Variants in GRIK2 observed in about 807,000 individuals in gnomAD.
GRIK2 encodes glutamate receptor ionotropic, kainate 2.
Under a neutral mutation model 100.3 loss-of-function variants are expected in GRIK2, and 32 were observed. That is an observed-to-expected ratio of 0.32 (90% CI 0.24 to 0.43). GRIK2 has a LOEUF of 0.43. Among genes scored for constraint, GRIK2 ranks in the 20% least tolerant of loss-of-function variants. The pLI is 1.00. For synonymous variants in GRIK2, 417 were observed against 389.4 expected (o/e 1.07, Z -0.83); for missense variants, 843 against 1,114.9 (o/e 0.76, Z 3.47).
intron 12 of GRIK2, among the ~76,000 whole-genome samples, chr6:101,905,380 T>C (rs1195994291): frequency 6.6e-6 from 1 of 151,670 alleles, no homozygotes; most frequent in Non-Finnish European, 1.5e-5. Flanking sequence ...TGGGAAGTGT[T>C]ATAGCTTAGT....
chr6:101,819,472 G>A (rs1321000266), intron 10 of GRIK2, among the ~76,000 whole-genome samples: 1 of 152,166 alleles, frequency 6.6e-6, no homozygotes, highest in Admixed American at 6.6e-5. Context: ...TAATCATGAA[G>A]TGACAGTGAT....
At chr6:101,499,228 T>C (rs1343664876) in intron 2 of GRIK2, among the ~76,000 whole-genome samples, 1 of 152,178 alleles carries the variant, frequency 6.6e-6, no homozygotes, top group East Asian at 1.9e-4. Flanking sequence ...TGATATGTGA[T>C]GATGAAGTCT....
intron 2 of GRIK2, among the ~76,000 whole-genome samples, chr6:101,520,144 A>G (rs1249293075): frequency 6.8e-6 from 1 of 146,232 alleles, no homozygotes; most frequent in East Asian, 2.0e-4. Flanking sequence ...AGTGTATGGA[A>G]TAATCAATTA....
intron 2 of GRIK2, among the ~76,000 whole-genome samples, chr6:101,580,517 GC>G (rs1349798623): frequency 9.9e-5 from 15 of 151,928 alleles, no homozygotes; most frequent in Admixed American, 9.2e-4. Context: ...TATTACAGGA[GC>G]CTCCCATTAG....
intron 7 of GRIK2, among the ~76,000 whole-genome samples, chr6:101,693,643 G>C (rs551971328): frequency 6.6e-6 from 1 of 151,902 alleles, no homozygotes; most frequent in Non-Finnish European, 1.5e-5. Context: ...TTAGAAAAGT[G>C]CCAATACAAA....
chr6:101,667,512 G>A (rs1489581125), intron 4 of GRIK2, among the ~76,000 whole-genome samples: 1 of 152,088 alleles, frequency 6.6e-6, no homozygotes, highest in Non-Finnish European at 1.5e-5. Context: ...AAAAAATACA[G>A]GATTTTAGTT....
At chr6:101,617,415 A>G (rs1765203678) in intron 2 of GRIK2, among the ~76,000 whole-genome samples, 1 of 151,738 alleles carries the variant, frequency 6.6e-6, no homozygotes, top group Middle Eastern at 3.2e-3. Flanking sequence ...ATCTCATGTT[A>G]TTGCATGTAG....
Position 101,988,460 on chromosome 6 carries a change from A to G in GRIK2, c.2086-46881A>G, listed in dbSNP as rs1366746258. ...TTTTCTCTATAAAAGGCAGCACAAT[A>G]CAGTGACAAAGAATATTAGCTCTGG... On this transcript the variant is annotated intron_variant, in intron 14 of 16. Coordinates refer to ENST00000369134, the MANE Select transcript of GRIK2 (RefSeq NM_021956.5). 2.6e-5 allele frequency among the ~76,000 whole-genome samples: 4 copies of G among 151,958 alleles called. No homozygotes were observed. The South Asian group carries it at 8.3e-4, about 32-fold the overall frequency.
chr6:101,964,476 A>G (rs1360699924), intron 14 of GRIK2, among the ~76,000 whole-genome samples: 3 of 152,274 alleles, frequency 2.0e-5, no homozygotes, highest in East Asian at 3.9e-4. Context: ...AGAACTAGAC[A>G]TGGGTGTTTA....
chr6:101,707,536 GTATA>G (rs944911580), intron 7 of GRIK2, among the ~76,000 whole-genome samples: 13 of 91,768 alleles, frequency 1.4e-4, no homozygotes, highest in African/African-American at 8.9e-4. Context: ...ATATATGTGT[GTATA>G]TATGTATATA....
In GRIK2 at chr6:102,068,534, G is replaced by A. The variant is rs771287921; in HGVS notation, c.*23G>A. 2 of 1,602,034 alleles carry A rather than the reference G, an allele frequency of 1.2e-6. No homozygotes were observed. Among genetic ancestry groups the A allele is most frequent in the East Asian group, 4.5e-5 (2 of 44,468 alleles). The stretch of plus-strand genomic sequence containing the variant: ...TAAAGCTGGGAGGCCAAACACCCAA[G>A]CACAAACTGTCGTCTTTTTCCAAAC... On this transcript the variant is annotated 3_prime_UTR_variant, in exon 17 of 17. Transcript: ENST00000369134.
intron 7 of GRIK2, among the ~76,000 whole-genome samples, chr6:101,723,347 C>T (rs1006666742): frequency 6.6e-6 from 1 of 151,910 alleles, no homozygotes; most frequent in Non-Finnish European, 1.5e-5. Context: ...CATTGTACAA[C>T]TATGAGTCAT....
intron 2 of GRIK2, among the ~76,000 whole-genome samples, chr6:101,603,222 T>C (rs1369941889): frequency 6.6e-6 from 1 of 151,632 alleles, no homozygotes; most frequent in Non-Finnish European, 1.5e-5. Context: ...CTGAATACAG[T>C]AGAATTTCAC....
At chr6:101,783,553 G>T (rs1314306759) in intron 7 of GRIK2, among the ~76,000 whole-genome samples, 1 of 152,176 alleles carries the variant, frequency 6.6e-6, no homozygotes, top group Non-Finnish European at 1.5e-5. Flanking sequence ...ACCTGAAAAT[G>T]TGAAAGTGAC....
intron 7 of GRIK2, among the ~76,000 whole-genome samples, chr6:101,733,407 AT>A (rs1775414126): frequency 6.6e-6 from 1 of 152,146 alleles, no homozygotes; most frequent in Admixed American, 6.6e-5. Flanking sequence ...ACAAGCCCAA[AT>A]CCTAACAAGG....
chr6:101,561,041 T>A (rs1429839985), intron 2 of GRIK2, among the ~76,000 whole-genome samples: 1 of 152,192 alleles, frequency 6.6e-6, no homozygotes, highest in Non-Finnish European at 1.5e-5. Flanking sequence ...CTGGCCTAAG[T>A]AATGAGACAA....
chr6:102,008,633 T>C (rs537804276), intron 14 of GRIK2, among the ~76,000 whole-genome samples: 135 of 152,208 alleles, frequency 8.9e-4, no homozygotes, highest in Non-Finnish European at 1.6e-3. Flanking sequence ...AAGTGAACAA[T>C]TTAAGGCTTC....
chr6:101,720,978 A>T (rs963212927), intron 7 of GRIK2, among the ~76,000 whole-genome samples: 1 of 152,004 alleles, frequency 6.6e-6, no homozygotes, highest in African/African-American at 2.4e-5. Context: ...AAGTTTTGGG[A>T]GATTGATCAT....
chr6:101,505,717 C>T (rs935138850), intron 2 of GRIK2, among the ~76,000 whole-genome samples: 10 of 149,382 alleles, frequency 6.7e-5, no homozygotes, highest in African/African-American at 2.5e-4. Flanking sequence ...TCTGATAGAA[C>T]CTTGAAGAAT....
Sources: allele counts gnomAD v4.1 joint callset (sites outside exome capture counted in the v4.1 genomes callset), GRCh38; gene constraint gnomAD v4.1.1; transcripts MANE v1.5; gene names NCBI Gene and HGNC (gene_info 2026-07-23, HGNC 2026-07-21).